The following SLC6A6 variants were observed in gnomAD, a reference collection of about 807,000 sequenced individuals.
The protein encoded by SLC6A6 is solute carrier family 6 member 6.
SLC6A6 carries 16 observed loss-of-function variants against 68.8 expected under a neutral mutation model. The ratio of observed to expected loss-of-function variants is 0.23; its 90% CI spans 0.16 to 0.35. SLC6A6 has a LOEUF of 0.35. Ranked by LOEUF, SLC6A6 falls within the 10% of genes least tolerant of loss-of-function variation. The pLI, the probability that SLC6A6 is intolerant of heterozygous loss-of-function variation, is 1.00. For synonymous variants in SLC6A6, 312 were observed against 315.4 expected, an observed-to-expected ratio of 0.99 and a Z score of 0.12; for missense variants, 474 against 802.8, an observed-to-expected ratio of 0.59 and a Z score of 4.95.
In SLC6A6 at chr3:14,485,608, C is replaced by A. The variant is rs1390658408; in HGVS notation, c.*601C>A. The A allele has an allele frequency of 6.6e-6, 1 of 152,612 alleles. No homozygotes were observed. Among genetic ancestry groups the A allele is most frequent in the Non-Finnish European group, 1.5e-5 (1 of 68,070 alleles). 9.5% of individuals were successfully genotyped at this position (152,612 alleles called of 1,614,324 possible). ...AAGAAAGGAGGGCTGTGAGGAGATA[C>A]CTCATTAAACTTGGCTTAGTGAAGA... On this transcript the variant is annotated 3_prime_UTR_variant, in exon 15 of 15. Coordinates refer to ENST00000622186, the MANE Select transcript of SLC6A6 (RefSeq NM_003043.6).
In SLC6A6 at chr3:14,445,944, C is replaced by T; in HGVS notation, c.364+93C>T. 10 of 1,278,944 alleles carry T rather than the reference C, an allele frequency of 7.8e-6. No homozygotes were observed. In the South Asian group the frequency reaches 1.1e-4, roughly 15 times the overall value. 79.2% of individuals were successfully genotyped at this position (1,278,944 alleles called of 1,614,324 possible). A position where few individuals can be genotyped will look rare whatever the true frequency, so the allele number is the denominator to read the frequency against. On this transcript the variant is annotated intron_variant, in intron 4 of 14. Coordinates refer to ENST00000622186, the MANE Select transcript of SLC6A6 (RefSeq NM_003043.6). ...TATTGTCTGCCAGGTCCATTGGAGC[C>T]TCATGCACATCACTTAGCTCTATGC...
chr3:14,461,187 G>A (rs1426740742), intron 6 of SLC6A6, among the ~76,000 whole-genome samples: 1 of 152,266 alleles, frequency 6.6e-6, no homozygotes, highest in Non-Finnish European at 1.5e-5. Flanking sequence ...GCAGTAGCCT[G>A]TGAGTGCCGG....
chr3:14,426,660 CCAGA>C (rs1464123303), intron 2 of SLC6A6, among the ~76,000 whole-genome samples: 6 of 152,186 alleles, frequency 3.9e-5, no homozygotes, highest in African/African-American at 1.4e-4. Flanking sequence ...CGTCACAGTG[CCAGA>C]CAGACAATGT....
chr3:14,422,926 T>C (rs1699515942), intron 2 of SLC6A6, among the ~76,000 whole-genome samples: 1 of 152,212 alleles, frequency 6.6e-6, no homozygotes. Context: ...ATCCTGCCAG[T>C]CCTGGACAAG....
intron 1 of SLC6A6, among the ~76,000 whole-genome samples, chr3:14,408,572 T>G (rs1482388473): frequency 6.6e-6 from 1 of 152,178 alleles, no homozygotes; most frequent in African/African-American, 2.4e-5. Flanking sequence ...TGACCTCAAG[T>G]GATCCGCCTG....
chr3:14,402,601 A>T (rs892286205), upstream of SLC6A6: 13 of 397,188 alleles, frequency 3.3e-5, no homozygotes, highest in Non-Finnish European at 4.4e-5. This position sits in a 1 kb window ranked among gnomAD's most constrained non-coding sequence, Gnocchi z 4.8. Flanking sequence ...AGGATGGGTG[A>T]TGCTGAGAGC....
chr3:14,428,542 C>T (rs1387399956), intron 2 of SLC6A6, among the ~76,000 whole-genome samples: 2 of 152,178 alleles, frequency 1.3e-5, no homozygotes, highest in African/African-American at 4.8e-5. Flanking sequence ...TTATTACTCC[C>T]ATTCTATATT....
intron 1 of SLC6A6, among the ~76,000 whole-genome samples, chr3:14,410,233 C>A (rs185560671): frequency 1.3e-5 from 2 of 151,964 alleles, no homozygotes; most frequent in Admixed American, 6.5e-5. Flanking sequence ...TGTGCTCCCC[C>A]CTCCCAGCCG....
In SLC6A6 at chr3:14,409,160, A is replaced by G. The variant is rs191623566; in HGVS notation, c.-54+6313A>G. On this transcript the variant is annotated intron_variant, in intron 1 of 14. Transcript: ENST00000622186. ...ACATGGTACTGTTCTTGGTTCTGCC[A>G]CTTGGTCTATCCCAATAGCAGGCCA... Among the ~76,000 whole-genome samples the G allele has an allele frequency of 7.9e-5, 12 of 152,322 alleles. No homozygotes were observed. The East Asian group carries it at 2.3e-3, about 29-fold the overall frequency.
chr3:14,424,910 G>A (rs1699559057), intron 2 of SLC6A6, among the ~76,000 whole-genome samples: 1 of 152,130 alleles, frequency 6.6e-6, no homozygotes, highest in Admixed American at 6.5e-5. Flanking sequence ...GGTCGAAGCC[G>A]CCTGTTTGAC....
At chr3:14,426,711 T>C (rs1335495173) in intron 2 of SLC6A6, among the ~76,000 whole-genome samples, 1 of 151,744 alleles carries the variant, frequency 6.6e-6, no homozygotes, top group Non-Finnish European at 1.5e-5. Context: ...CAAGAACAGG[T>C]GGAATTAGGA....
intron 10 of SLC6A6, among the ~76,000 whole-genome samples, chr3:14,475,316 A>C (rs3729590): frequency 0.06 from 9,095 of 151,950 alleles, 295 homozygotes; most frequent in East Asian, 0.16. Flanking sequence ...ACAGACGTGA[A>C]CCACTGCACC....
intron 13 of SLC6A6, 35 bp downstream of exon 13, chr3:14,479,220 T>G (rs777269650): frequency 7.8e-7 from 1 of 1,289,124 alleles, no homozygotes; most frequent in Non-Finnish European, 1.1e-6. Context: ...GCTGGTGGCC[T>G]CTTCTCCCTG....
intron 2 of SLC6A6, among the ~76,000 whole-genome samples, chr3:14,422,784 A>G (rs751810050): frequency 2.6e-5 from 4 of 152,126 alleles, no homozygotes; most frequent in Admixed American, 2.6e-4. Context: ...TTGTGTTGCA[A>G]AGGACTCACG....
chr3:14,427,452 G>A, intron 2 of SLC6A6, among the ~76,000 whole-genome samples: 1 of 152,200 alleles, frequency 6.6e-6, no homozygotes, highest in Admixed American at 6.5e-5. Context: ...TGGCTTCAGA[G>A]CTTCCTGGCT....
At chr3:14,411,855 A>T (rs1227780819) in intron 1 of SLC6A6, among the ~76,000 whole-genome samples, 1 of 152,212 alleles carries the variant, frequency 6.6e-6, no homozygotes, top group Non-Finnish European at 1.5e-5. Context: ...AAGACAGACC[A>T]AACTGTACCC....
At chr3:14,456,390 G>C (rs1700368783) in intron 5 of SLC6A6, among the ~76,000 whole-genome samples, 1 of 152,208 alleles carries the variant, frequency 6.6e-6, no homozygotes, top group Admixed American at 6.5e-5. Context: ...CCTCCCAGTT[G>C]AGTCCATTCA....
chr3:14,404,865 C>T (rs746289134), intron 1 of SLC6A6, among the ~76,000 whole-genome samples: 9 of 152,204 alleles, frequency 5.9e-5, no homozygotes, highest in African/African-American at 2.2e-4. Flanking sequence ...CCTTTGGGGA[C>T]ACCCTTGTAC....
chr3:14,414,455 G>T (rs1699319911), intron 1 of SLC6A6, among the ~76,000 whole-genome samples: 1 of 152,180 alleles, frequency 6.6e-6, no homozygotes, highest in Non-Finnish European at 1.5e-5. Context: ...TCCTGGAACA[G>T]GTTTAAGCTG....
Sources: allele counts gnomAD v4.1 joint callset (sites outside exome capture counted in the v4.1 genomes callset), GRCh38; gene constraint gnomAD v4.1.1; non-coding constraint Gnocchi (gnomAD v3.1); transcripts MANE v1.5; gene names NCBI Gene and HGNC (gene_info 2026-07-23, HGNC 2026-07-21).